Variants in CEP170B observed in about 807,000 individuals in gnomAD.
CEP170B encodes the protein centrosomal protein of 170 kDa protein B.
In CEP170B, 55 loss-of-function variants were observed where a neutral mutation model predicts 120.6. The ratio of observed to expected loss-of-function variants is 0.46; its 90% confidence interval spans 0.37 to 0.57. CEP170B has a LOEUF of 0.57. Among genes scored for constraint, CEP170B ranks in the 20% least tolerant of loss-of-function variants. CEP170B has a pLI of 0.00. For missense variants in CEP170B, 2,212 were observed against 2,253.3 expected (o/e 0.98, Z 0.37); for synonymous variants, 1,033 against 954.5 (o/e 1.08, Z -1.52).
At chr14:104,872,318 C>CCGTGCGTGTG (rs1566852276) in intron 2 of CEP170B, among the ~76,000 whole-genome samples, 2 of 57,800 alleles carry the variant, frequency 3.5e-5, no homozygotes, top group Admixed American at 2.0e-4. Flanking sequence ...TGCGTGTGTG[C>CCGTGCGTGTG]CGTGGGTGTG....
At chr14:104,893,472 C>T (rs1200807743) in intron 14 of CEP170B, 51 bp from the exon 15 acceptor site, 9 of 1,566,146 alleles carry the variant, frequency 5.7e-6, no homozygotes, top group Non-Finnish European at 6.9e-6. Context: ...CAGCCACAGC[C>T]TGGCAGGAGC....
chr14:104,872,276 CGT>C lies in CEP170B; in HGVS notation c.105+3729_105+3730del, dbSNP rs1350758547. Among the ~76,000 whole-genome samples the C allele has an allele frequency of 1.5e-4, 15 of 96,874 alleles. 1 individual carries two copies. Among genetic ancestry groups the C allele is most frequent in the Non-Finnish European group, 2.6e-4 (13 of 50,676 alleles). The allele number at this position is 96,874 out of a possible 152,430, so 63.6% of individuals were successfully genotyped here. A position where few individuals can be genotyped will look rare whatever the true frequency, so the allele number is the denominator to read the frequency against. On this transcript the variant is annotated intron_variant, in intron 2 of 18. Coordinates refer to ENST00000414716, the MANE Select transcript of CEP170B (RefSeq NM_001112726.3). The stretch of plus-strand genomic sequence containing the variant: ...GCCATGTGTGTGCGTGTGGGTGTGC[CGT>C]GTGTGTGCCGCGTGTGTGTGCCATG...
chr14:104,888,339 C>A (rs1896629629), intron 12 of CEP170B, among the ~76,000 whole-genome samples: 1 of 152,244 alleles, frequency 6.6e-6, no homozygotes, highest in South Asian at 2.1e-4. Context: ...ACGCCATCTG[C>A]CCATGGGCCT....
At position 104,868,682 on chromosome 14, in the gene CEP170B, T is replaced by A; in HGVS notation, c.105+127T>A. 1.1e-6 allele frequency: 1 copy of A among 910,222 alleles called. No individual in the cohort carries two copies. The allele number at this position is 910,222 out of a possible 1,614,324, so 56.4% of individuals were successfully genotyped here. ...GAGGAGGCCGCCATGCAGCCCAGGC[T>A]GGGCCTCTTAACTTGGGTCCCGGAT... On this transcript the variant is annotated intron_variant, in intron 2 of 18. Coordinates refer to ENST00000414716, the MANE Select transcript of CEP170B (RefSeq NM_001112726.3). This position sits in a 1 kb window ranked among gnomAD's most constrained non-coding sequence, Gnocchi z 5.9.
At chr14:104,871,421 C>T (rs1895480872) in intron 2 of CEP170B, among the ~76,000 whole-genome samples, 1 of 151,380 alleles carries the variant, frequency 6.6e-6, no homozygotes, top group East Asian at 1.9e-4. Flanking sequence ...TGCAGGCCTC[C>T]ACTGGACCCA....
chr14:104,876,254 A>G lies in CEP170B; in HGVS notation c.106-2A>G. ...CTGAGGGCTGGCTGTGTGTCTCTCC[A>G]GTCCCGCAGCGTGGACAAGCAGCAT... On this transcript the variant is annotated splice_acceptor_variant, in intron 2 of 18. Coordinates refer to ENST00000414716, the MANE Select transcript of CEP170B (RefSeq NM_001112726.3). LOFTEE classifies it high-confidence loss of function. 6.4e-7 allele frequency: 1 copy of G among 1,550,604 alleles called. No homozygotes were observed. Among genetic ancestry groups the G allele is most frequent in the Non-Finnish European group, 8.7e-7 (1 of 1,146,756 alleles).
Position 104,894,395 on chromosome 14 carries a change from C to T in CEP170B, c.4365+17C>T, listed in dbSNP as rs373909178. The T allele has an allele frequency of 5.9e-5, 95 of 1,610,970 alleles. No individual in the cohort carries two copies. Among genetic ancestry groups the T allele is most frequent in the South Asian group, 1.1e-4 (10 of 91,024 alleles). On this transcript the variant is annotated intron_variant, in intron 17 of 18. Coordinates refer to ENST00000414716, the MANE Select transcript of CEP170B (RefSeq NM_001112726.3). ...TCTAACAAGGTGAGCGCTGGGGCCC[C>T]GTGCCCCTTGGCCTGCCCCCAGCCA...
At chr14:104,877,345 G>C (rs1895907274) in intron 3 of CEP170B, among the ~76,000 whole-genome samples, 1 of 152,192 alleles carries the variant, frequency 6.6e-6, no homozygotes, top group Non-Finnish European at 1.5e-5. Flanking sequence ...CCTGGGCCCT[G>C]CATGGTTGGC....
rs780436776 is a variant in CEP170B, at chr14:104,887,595, G to T, written c.3356G>T (p.Arg1119Leu). The T allele has an allele frequency of 1.3e-6, 2 of 1,585,188 alleles. No individual in the cohort carries two copies. The highest frequency in any genetic ancestry group is 1.3e-5 in the African/African-American group (1 of 74,494). Residue 1119 changes from arginine (R) to leucine (L), a missense_variant, in exon 12 of 19, where the codon CGC (arginine) becomes CTC (leucine). Transcript: ENST00000414716. ...LTRSNSLSTPRPTRASRLRRA... is the reference protein window; with the variant it reads ...LTRSNSLSTPLPTRASRLRRA... ...CGCTCCAACAGCCTGTCCACCCCTCGCCCCACACGGGCCTCCCGGCTGAGG... is the reference window on the plus strand; with the variant it reads ...CGCTCCAACAGCCTGTCCACCCCTCTCCCCACACGGGCCTCCCGGCTGAGG...
intron 6 of CEP170B, among the ~76,000 whole-genome samples, chr14:104,882,119 G>A (rs1595336377): frequency 6.6e-6 from 1 of 152,170 alleles, no homozygotes; most frequent in Admixed American, 6.5e-5. Context: ...ATCAGGAAGG[G>A]CTGGGCTGCC....
At position 104,870,621 on chromosome 14, in the gene CEP170B, G is replaced by C. The variant is rs548019147; in HGVS notation, c.105+2066G>C. Among the ~76,000 whole-genome samples, 2 of 152,066 alleles carry C rather than the reference G, an allele frequency of 1.3e-5. No individual in the cohort carries two copies. The highest frequency in any genetic ancestry group is 2.4e-5 in the African/African-American group (1 of 41,414). The stretch of plus-strand genomic sequence containing the variant: ...CCCCTGCACCAGGCCTGCTCTGCCT[G>C]CTTCTCCCTGGGGTAGGGGAAAAGT... On this transcript the variant is annotated intron_variant, in intron 2 of 18. Coordinates refer to ENST00000414716, the MANE Select transcript of CEP170B (RefSeq NM_001112726.3). The surrounding 1 kb of genome is among the most constrained non-coding windows in gnomAD (Gnocchi z 4.1).
chr14:104,890,893 GTGGATGGAGGGATGGATGGATGGA>G (rs1896822098), intron 13 of CEP170B, among the ~76,000 whole-genome samples: 1 of 134,646 alleles, frequency 7.4e-6, no homozygotes, highest in Admixed American at 7.4e-5. Flanking sequence ...GAGTGGGTGG[GTGGATGGAGGGATGGATGGATGGA>G]TGGATGGATG....
chr14:104,886,122 G>T lies in CEP170B; in HGVS notation c.2027G>T (p.Gly676Val). ...CTGGCTGACAGCTACTCAGACCCGG[G>T]CCTCACAGGTAAGTGGCTCCAGTGC... is the stretch of plus-strand genomic sequence containing the variant. Reference protein sequence around the residue: ...ASLADSYSDPGLTEDGLGRRG... With the variant: ...ASLADSYSDPVLTEDGLGRRG... Residue 676 changes from glycine to valine, a missense_variant, in exon 11 of 19, where the codon GGC (glycine) becomes GTC (valine). By Grantham distance (109) the Gly-to-Val change is moderately radical. This residue lies in a region of CEP170B where 2,166 missense variants were observed against 2,166.7 expected (regional missense o/e 1.00). Coordinates refer to ENST00000414716, the MANE Select transcript of CEP170B (RefSeq NM_001112726.3). 1 of 1,540,374 alleles carries T rather than the reference G, an allele frequency of 6.5e-7. No individual in the cohort carries two copies.
At chr14:104,869,658 G>A (rs931329364) in intron 2 of CEP170B, among the ~76,000 whole-genome samples, 5 of 152,164 alleles carry the variant, frequency 3.3e-5, no homozygotes, top group Admixed American at 2.6e-4. Flanking sequence ...TGAGCAGGGC[G>A]TGAGGCTTTG....
chr14:104,877,851 TCCCCCCC>T, intron 3 of CEP170B, 27 bp from the exon 4 acceptor site: 4 of 372,902 alleles, frequency 1.1e-5, no homozygotes, highest in South Asian at 3.3e-5. Context: ...CCCGCGCAGC[TCCCCCCC>T]CCCCCCCGCC....
At chr14:104,864,534 C>G (rs61995986), upstream of CEP170B, among the ~76,000 whole-genome samples, 73,920 of 152,064 alleles carry the variant, frequency 0.49, 19,798 homozygotes, top group Middle Eastern at 0.68. This position sits in a 1 kb window ranked among gnomAD's most constrained non-coding sequence, Gnocchi z 5.9. Flanking sequence ...CGGCAAGGAG[C>G]GAGCAGTCCG....
In CEP170B at chr14:104,867,047, C is replaced by T. The variant is rs1052990205; in HGVS notation, c.-27-1377C>T. Among the ~76,000 whole-genome samples the T allele has an allele frequency of 2.6e-5, 4 of 152,238 alleles. No individual in the cohort carries two copies. The highest frequency in any genetic ancestry group is 5.9e-5 in the Non-Finnish European group (4 of 68,042). On this transcript the variant is annotated intron_variant, in intron 1 of 18. Coordinates refer to ENST00000414716, the MANE Select transcript of CEP170B (RefSeq NM_001112726.3). The surrounding 1 kb of genome is among the most constrained non-coding windows in gnomAD (Gnocchi z 5.4). Reference sequence around the variant, plus strand: ...GACCCCCACAGAGCCCTTGCTTGGACCCCGCATGTGGCATCTTGCTCAGCT... The same window carrying T: ...GACCCCCACAGAGCCCTTGCTTGGATCCCGCATGTGGCATCTTGCTCAGCT...
In CEP170B at chr14:104,887,315, G is replaced by C; in HGVS notation, c.3076G>C (p.Val1026Leu). The change falls in exon 12 of 19, where the codon GTA (valine) becomes CTA (leucine). Residue 1026 changes from valine to leucine, a missense_variant. Around this residue, in one of 2 missense-constraint regions of CEP170B, gnomAD observed 2,166 missense variants for 2,166.7 expected, o/e 1.00. Transcript: ENST00000414716. ...GPTDMGRGEP[V>L]RRSAIRRGHR... The stretch of plus-strand genomic sequence containing the variant: ...GACGGACATGGGCCGTGGAGAGCCG[G>C]TACGGCGCTCAGCCATAAGGCGTGG... The C allele has an allele frequency of 1.2e-6, 2 of 1,610,378 alleles. No homozygotes were observed.
chr14:104,879,757 G>A (rs1447504422), intron 5 of CEP170B, among the ~76,000 whole-genome samples: 2 of 152,184 alleles, frequency 1.3e-5, no homozygotes, highest in South Asian at 4.1e-4. Flanking sequence ...CACAGCCGGG[G>A]CCCCTGTGGG....
Sources: allele counts gnomAD v4.1 joint callset (sites outside exome capture counted in the v4.1 genomes callset), GRCh38; gene constraint gnomAD v4.1.1; regional missense constraint gnomAD v4.1.1; non-coding constraint Gnocchi (gnomAD v3.1); transcripts MANE v1.5; gene names NCBI Gene and HGNC (gene_info 2026-07-23, HGNC 2026-07-21).